The following EFCAB8 variants were observed in gnomAD, a reference collection of about 807,000 sequenced individuals.
The protein encoded by EFCAB8 is EF-hand calcium-binding domain-containing protein 8.
EFCAB8 carries 100 observed loss-of-function variants against 116.3 expected under a neutral mutation model. That is an observed-to-expected ratio of 0.86 (90% CI 0.73 to 1.02). The LOEUF is 1.02. Ranked by LOEUF, EFCAB8 falls within the 50% of genes least tolerant of loss-of-function variation. The pLI, the probability that EFCAB8 is intolerant of heterozygous loss-of-function variation, is 0.00. For synonymous variants in EFCAB8, 558 were observed against 567.9 expected (o/e 0.98, Z 0.25); for missense variants, 1,320 against 1,416.9 (o/e 0.93, Z 1.10).
At chr20:32,906,409 G>A (rs894008324) in intron 11 of EFCAB8, among the ~76,000 whole-genome samples, 153 bp from the exon 12 acceptor site, 1 of 152,028 alleles carries the variant, frequency 6.6e-6, no homozygotes, top group Non-Finnish European at 1.5e-5. Context: ...GGTCTCTGGG[G>A]CTACTCCTCT....
At chr20:32,875,265 G>A (rs6057663) in intron 3 of EFCAB8, among the ~76,000 whole-genome samples, 6 of 151,776 alleles carry the variant, frequency 4.0e-5, no homozygotes, top group African/African-American at 1.5e-4. Context: ...GGACAGAAGC[G>A]TCCGGAATTG....
intron 22 of EFCAB8, among the ~76,000 whole-genome samples, chr20:32,939,509 T>C (rs1352064076): frequency 6.8e-6 from 1 of 147,372 alleles, no homozygotes; most frequent in African/African-American, 2.5e-5. Flanking sequence ...GGTCTCAAAC[T>C]CCTGACTTTG....
chr20:32,879,506 C>T (rs1256740077), intron 5 of EFCAB8, among the ~76,000 whole-genome samples: 2 of 152,178 alleles, frequency 1.3e-5, no homozygotes, highest in Non-Finnish European at 2.9e-5. Context: ...TAAGCGAAGA[C>T]AGAGTCACAA....
intron 20 of EFCAB8, among the ~76,000 whole-genome samples, chr20:32,928,340 A>G (rs981200636): frequency 2.0e-5 from 3 of 151,238 alleles, no homozygotes; most frequent in East Asian, 1.9e-4. Context: ...GGTTCAAGTG[A>G]TTTTCCTGCC....
intron 5 of EFCAB8, among the ~76,000 whole-genome samples, chr20:32,884,218 A>G (rs980703597): frequency 6.6e-6 from 1 of 152,222 alleles, no homozygotes; most frequent in Admixed American, 6.5e-5. Flanking sequence ...TGAAAGAGTA[A>G]CTTAAAACAT....
At chr20:32,939,985 G>GTGCCTGCCTGCC (rs751692972) in intron 22 of EFCAB8, among the ~76,000 whole-genome samples, 1 of 108,896 alleles carries the variant, frequency 9.2e-6, no homozygotes, top group Non-Finnish European at 1.9e-5. Flanking sequence ...ATGAGCCACT[G>GTGCCTGCCTGCC]TGCCTGCCTG....
chr20:32,874,011 C>G (rs772575366), intron 3 of EFCAB8, among the ~76,000 whole-genome samples: 7 of 151,948 alleles, frequency 4.6e-5, no homozygotes, highest in Non-Finnish European at 8.8e-5. Context: ...ACCTCCGCCT[C>G]TCAGGCTCAA....
rs547255562 is a variant in EFCAB8 at position 32,879,682 on chromosome 20, C to T, written c.431+875C>T. On this transcript the variant is annotated intron_variant, in intron 5 of 26. Transcript: ENST00000400522. ...TAGGACAGAGGGGCGATGAGCCAAG[C>T]GTAATACATGGCGGAAATAGCAAGG... Among the ~76,000 whole-genome samples the T allele has an allele frequency of 3.9e-5, 6 of 152,200 alleles. No homozygotes were observed. The East Asian group carries it at 7.7e-4, about 20-fold the overall frequency.
Position 32,940,047 on chromosome 20 carries a change from T to C in EFCAB8, c.2791-3589T>C, listed in dbSNP as rs1425734697. Among the ~76,000 whole-genome samples, 727 of 87,428 alleles carry C rather than the reference T, an allele frequency of 8.3e-3. 47 individuals are homozygous for C. The highest frequency in any genetic ancestry group is 0.019 in the African/African-American group (447 of 23,432). The allele number at this position is 87,428 out of a possible 152,430, so 57.4% of individuals were successfully genotyped here. On this transcript the variant is annotated intron_variant, in intron 22 of 26. Transcript: ENST00000400522. ...TCCCTTCCTTCCTTCCTTCCTTCCT[T>C]CCTTCCTTCCTTCCTTCCTTCCTTC... is the stretch of plus-strand genomic sequence containing the variant.
chr20:32,952,641 G>C (rs1240778021), intron 23 of EFCAB8, among the ~76,000 whole-genome samples: 1 of 152,104 alleles, frequency 6.6e-6, no homozygotes, highest in East Asian at 1.9e-4. Flanking sequence ...TTCTTGATTT[G>C]TAGAAATTCT....
chr20:32,956,824 T>TC (rs1309037025), intron 23 of EFCAB8, among the ~76,000 whole-genome samples: 1 of 152,186 alleles, frequency 6.6e-6, no homozygotes, highest in Non-Finnish European at 1.5e-5. Context: ...TGAAAAGCAT[T>TC]CAGATATTAT....
At chr20:32,902,660 G>A (rs559736430) in intron 11 of EFCAB8, among the ~76,000 whole-genome samples, 2 of 152,300 alleles carry the variant, frequency 1.3e-5, no homozygotes, top group Non-Finnish European at 2.9e-5. Flanking sequence ...TGTACAGGCC[G>A]GCAGGTGGCA....
intron 20 of EFCAB8, among the ~76,000 whole-genome samples, chr20:32,925,145 A>G (rs1396118724): frequency 1.3e-5 from 2 of 152,194 alleles, no homozygotes; most frequent in African/African-American, 2.4e-5. Context: ...GGCATGGCAG[A>G]AAGAGCACTA....
At chr20:32,908,668 T>A (rs1986790046) in intron 14 of EFCAB8, among the ~76,000 whole-genome samples, 1 of 152,220 alleles carries the variant, frequency 6.6e-6, no homozygotes, top group Non-Finnish European at 1.5e-5. Context: ...CCTCAGCCTC[T>A]CCCTCTGGGA....
chr20:32,880,863 T>C (rs1407312988), intron 5 of EFCAB8, among the ~76,000 whole-genome samples: 1 of 152,092 alleles, frequency 6.6e-6, no homozygotes, highest in Non-Finnish European at 1.5e-5. Context: ...AGGGCAGGAC[T>C]CTGGGGCTGT....
chr20:32,874,077 T>C (rs367841070), intron 3 of EFCAB8, among the ~76,000 whole-genome samples: 15 of 151,218 alleles, frequency 9.9e-5, no homozygotes, highest in East Asian at 3.9e-4. Context: ...TGTGCCACCA[T>C]GCCTGGCTAA....
chr20:32,905,531 G>A (rs1986633240), intron 11 of EFCAB8, among the ~76,000 whole-genome samples: 1 of 152,112 alleles, frequency 6.6e-6, no homozygotes, highest in South Asian at 2.1e-4. Context: ...GGGAGGCCAT[G>A]GGTGGCTCAC....
At chr20:32,937,443 CA>C (rs1245250607) in intron 22 of EFCAB8, among the ~76,000 whole-genome samples, 4 of 152,030 alleles carry the variant, frequency 2.6e-5, no homozygotes, top group African/African-American at 7.2e-5. Context: ...AGAAAATGGA[CA>C]AAACCTCAGA....
intron 23 of EFCAB8, among the ~76,000 whole-genome samples, chr20:32,951,306 T>C (rs1217959626): frequency 6.6e-6 from 1 of 152,242 alleles, no homozygotes; most frequent in African/African-American, 2.4e-5. Context: ...GTTGAGTTGA[T>C]AAACTATGGT....
Sources: allele counts gnomAD v4.1 joint callset (sites outside exome capture counted in the v4.1 genomes callset), GRCh38; gene constraint gnomAD v4.1.1; transcripts MANE v1.5; gene names NCBI Gene and HGNC (gene_info 2026-07-23, HGNC 2026-07-21).